SEC22C: variants seen among roughly 807,000 people sequenced by gnomAD.
The protein encoded by SEC22C is SEC22 homolog C, vesicle trafficking protein.
A neutral mutation model predicts 34.7 loss-of-function variants in SEC22C; 29 were observed. The observed-to-expected ratio is 0.84, with a 90% CI of 0.62 to 1.14. The LOEUF is 1.14. SEC22C is among the 50% of genes most tolerant of loss of function. SEC22C has a pLI of 0.00. For synonymous variants in SEC22C, 117 were observed against 132.8 expected, an observed-to-expected ratio of 0.88 and a Z score of 0.82; for missense variants, 337 against 369.0, an observed-to-expected ratio of 0.91 and a Z score of 0.71.
In SEC22C at chr3:42,593,428, A is replaced by T. The variant is rs1226816711; in HGVS notation, c.-28+7532T>A. On this transcript the variant is annotated intron_variant, in intron 1 of 6. Transcript: ENST00000417572. ...CAAGACTCCGTCTCAATAAATAAAT[A>T]AATTAAAGTATATGATATGGAAGGC... Among the ~76,000 whole-genome samples the T allele has an allele frequency of 2.6e-5, 4 of 152,174 alleles. No homozygotes were observed. The East Asian group carries it at 7.7e-4, about 29-fold the overall frequency.
At chr3:42,564,363 C>A (rs538959276) in intron 2 of SEC22C, 1 of 155,720 alleles carries the variant, frequency 6.4e-6, no homozygotes, top group South Asian at 2.0e-4. Context: ...TGGAATGTCT[C>A]CTCTTGTGTT....
chr3:42,562,061 T>G (rs190857290), intron 3 of SEC22C, among the ~76,000 whole-genome samples: 1 of 152,368 alleles, frequency 6.6e-6, no homozygotes, highest in African/African-American at 2.4e-5. Flanking sequence ...ATTATATATT[T>G]GAAAAGTATT....
rs1702295634 is a variant in SEC22C at position 42,552,359 on chromosome 3, T to G, written c.*889A>C. 1.0e-6 allele frequency: 1 copy of G among 985,254 alleles called. No individual in the cohort carries two copies. The highest frequency in any genetic ancestry group is 1.2e-6 in the Non-Finnish European group (1 of 829,884). 61.0% of individuals were successfully genotyped at this position (985,254 alleles called of 1,614,324 possible). A position where few individuals can be genotyped will look rare whatever the true frequency, so the allele number is the denominator to read the frequency against. ...CACTCAGCTCTACTGAAAAGGCTGA[T>G]GACAGCAGCCCCTCCCAAGCGGATC... On this transcript the variant is annotated 3_prime_UTR_variant, in exon 7 of 7. Coordinates refer to ENST00000264454, the MANE Select transcript of SEC22C (RefSeq NM_032970.4).
upstream of SEC22C, among the ~76,000 whole-genome samples, chr3:42,586,202 G>C (rs1704603426): frequency 6.6e-6 from 1 of 152,032 alleles, no homozygotes; most frequent in African/African-American, 2.4e-5. Flanking sequence ...CCTCCTCAAA[G>C]ACCTAGTCTT....
upstream of SEC22C, among the ~76,000 whole-genome samples, chr3:42,582,875 G>T (rs919945885): frequency 2.0e-5 from 3 of 152,230 alleles, no homozygotes; most frequent in African/African-American, 7.2e-5. Context: ...GGGGGAAATG[G>T]AAAGTTAGTG....
rs1334441274 is a variant in SEC22C, at chr3:42,550,053, T to C, written c.*3195A>G. ...CTAGCCTAACAGGGGAAAACAGATT[T>C]ACATGTTTCGTTCATTAGCATATTA... On this transcript the variant is annotated 3_prime_UTR_variant, in exon 7 of 7. Coordinates refer to ENST00000264454, the MANE Select transcript of SEC22C (RefSeq NM_032970.4). 1 of 985,358 alleles carries C rather than the reference T, an allele frequency of 1.0e-6. No individual in the cohort carries two copies. Among genetic ancestry groups the C allele is most frequent in the Non-Finnish European group, 1.2e-6 (1 of 829,956 alleles). The allele number at this position is 985,358 out of a possible 1,614,324, so 61.0% of individuals were successfully genotyped here.
chr3:42,561,563 T>C (rs1353317851), intron 3 of SEC22C, among the ~76,000 whole-genome samples: 8 of 151,982 alleles, frequency 5.3e-5, no homozygotes, highest in African/African-American at 1.7e-4. Context: ...TTTTAAATTG[T>C]TTTTCTGTAG....
chr3:42,578,929 TA>T (rs1288766838), intron 1 of SEC22C, among the ~76,000 whole-genome samples: 1 of 152,200 alleles, frequency 6.6e-6, no homozygotes, highest in African/African-American at 2.4e-5. Context: ...GAAGGTACTA[TA>T]ATCTCAGGAC....
intron 1 of SEC22C, among the ~76,000 whole-genome samples, chr3:42,589,762 G>A (rs950013379): frequency 6.6e-6 from 1 of 152,124 alleles, no homozygotes; most frequent in African/African-American, 2.4e-5. Flanking sequence ...CCCCACCTCC[G>A]TGGAAGACAA....
In SEC22C at chr3:42,552,953, T is replaced by C; in HGVS notation, c.*295A>G. ...CATTCAACTTAAAAGACCAAAATAT[T>C]TCCTTTCTCTCTTCCAATAAAGCTC... is the stretch of plus-strand genomic sequence containing the variant. On this transcript the variant is annotated 3_prime_UTR_variant, in exon 7 of 7. Transcript: ENST00000264454. 1 of 1,163,630 alleles carries C rather than the reference T, an allele frequency of 8.6e-7. No individual in the cohort carries two copies. The highest frequency in any genetic ancestry group is 2.5e-5 in the South Asian group (1 of 40,170). 72.1% of individuals were successfully genotyped at this position (1,163,630 alleles called of 1,614,324 possible).
chr3:42,561,042 T>C (rs2125703710), intron 4 of SEC22C, 75 bp downstream of exon 4: 2 of 1,462,832 alleles, frequency 1.4e-6, no homozygotes, highest in South Asian at 2.5e-5. Flanking sequence ...AGCTTTCTAG[T>C]GAAAAAAAAA....
chr3:42,556,129 T>C, intron 5 of SEC22C, 134 bp from the exon 6 acceptor site: 1 of 659,804 alleles, frequency 1.5e-6, no homozygotes, highest in Non-Finnish European at 2.7e-6. Context: ...AGACACAAGT[T>C]CCTGTTTATG....
intron 1 of SEC22C, among the ~76,000 whole-genome samples, chr3:42,571,023 G>C (rs1302213038): frequency 6.6e-6 from 1 of 152,118 alleles, no homozygotes; most frequent in Non-Finnish European, 1.5e-5. Context: ...GTACTTTTTT[G>C]GGAGCTGAGT....
chr3:42,585,956 T>C (rs1156916187), upstream of SEC22C, among the ~76,000 whole-genome samples: 1 of 151,576 alleles, frequency 6.6e-6, no homozygotes, highest in South Asian at 2.1e-4. Context: ...CCTCCCCCGC[T>C]TGCTCTCCCA....
intron 6 of SEC22C, among the ~76,000 whole-genome samples, chr3:42,553,922 A>AC (rs1280114759): frequency 1.3e-5 from 2 of 152,098 alleles, no homozygotes; most frequent in African/African-American, 2.4e-5. Context: ...TACATTGAGC[A>AC]CCACTCTTCC....
At chr3:42,570,767 T>G (rs754869451) in intron 1 of SEC22C, among the ~76,000 whole-genome samples, 1 of 152,170 alleles carries the variant, frequency 6.6e-6, no homozygotes, top group Non-Finnish European at 1.5e-5. Flanking sequence ...TCTTCTATAC[T>G]TTCGTAAGTA....
In SEC22C at chr3:42,549,552, GACC is replaced by G; in HGVS notation, c.*3693_*3695del. 6.3e-6 allele frequency: 6 copies of G among 949,502 alleles called. No individual in the cohort carries two copies. The highest frequency in any genetic ancestry group is 7.3e-6 in the Non-Finnish European group (6 of 822,508). 58.8% of individuals were successfully genotyped at this position (949,502 alleles called of 1,614,324 possible). A position where few individuals can be genotyped will look rare whatever the true frequency, so the allele number is the denominator to read the frequency against. On this transcript the variant is annotated 3_prime_UTR_variant, in exon 7 of 7. Transcript: ENST00000264454. ...ATTGTCTCTGACTCTGAGCTGTGCT[GACC>G]ACCAAGTGTTACTCCTCTCCAAGAC...
At position 42,563,703 on chromosome 3, in the gene SEC22C, A is replaced by G. The variant is rs574044600; in HGVS notation, c.183-17T>C. The G allele has an allele frequency of 3.7e-6, 6 of 1,613,566 alleles. No homozygotes were observed. The highest frequency in any genetic ancestry group is 4.5e-5 in the East Asian group (2 of 44,850). The stretch of plus-strand genomic sequence containing the variant: ...GAAGAAAAACTGAAACAAAAGGGCA[A>G]TATCTGTATTACCAGGAAACAGCCC... On this transcript the variant is annotated splice_polypyrimidine_tract_variant and intron_variant, in intron 2 of 6. Coordinates refer to ENST00000264454, the MANE Select transcript of SEC22C (RefSeq NM_032970.4).
intron 6 of SEC22C, among the ~76,000 whole-genome samples, chr3:42,554,741 T>C (rs929855050): frequency 2.6e-5 from 4 of 152,144 alleles, no homozygotes; most frequent in Non-Finnish European, 4.4e-5. Context: ...AGAAAAAATA[T>C]GTATTCAGAG....
Sources: gnomAD v4.1 joint callset for allele counts (sites outside exome capture counted in the v4.1 genomes callset) on GRCh38, gnomAD v4.1.1 for gene constraint, MANE v1.5 for transcripts, NCBI Gene and HGNC (gene_info 2026-07-23, HGNC 2026-07-21) for gene names.